STXBP4: variants seen among roughly 807,000 people sequenced by gnomAD.
The protein encoded by STXBP4 is syntaxin binding protein 4.
A neutral mutation model predicts 76.1 loss-of-function variants in STXBP4; 55 were observed. The ratio of observed to expected loss-of-function variants is 0.72; its 90% CI spans 0.58 to 0.91. The LOEUF is 0.91. Ranked by LOEUF, STXBP4 falls within the 40% of genes least tolerant of loss-of-function variation. The probability of loss-of-function intolerance (pLI) is 0.00; values close to 1 mark genes in which losing one functional copy is unlikely to be tolerated. For missense variants in STXBP4, 618 were observed against 636.9 expected (o/e 0.97, Z 0.32); for synonymous variants, 201 against 220.2 (o/e 0.91, Z 0.77).
chr17:55,072,415 G>A (rs534219589), intron 12 of STXBP4, among the ~76,000 whole-genome samples: 22 of 152,282 alleles, frequency 1.4e-4, no homozygotes, highest in African/African-American at 5.1e-4. Flanking sequence ...AAAGGGAGAA[G>A]TAGTAGATAG....
At chr17:55,047,065 T>A (rs1050941040) in intron 11 of STXBP4, 24 bp from the exon 12 acceptor site, 51 of 1,461,770 alleles carry the variant, frequency 3.5e-5, no homozygotes, top group Non-Finnish European at 4.5e-5. Flanking sequence ...AACAAGTTGT[T>A]AATTTGGTGG....
chr17:55,054,350 A>G (rs1033534227), intron 12 of STXBP4, among the ~76,000 whole-genome samples: 1 of 152,104 alleles, frequency 6.6e-6, no homozygotes, highest in Non-Finnish European at 1.5e-5. Context: ...TTCGCTGGGC[A>G]TGGTAGCACA....
chr17:55,064,763 C>G (rs1567745098), intron 12 of STXBP4, among the ~76,000 whole-genome samples: 1 of 152,140 alleles, frequency 6.6e-6, no homozygotes, highest in Non-Finnish European at 1.5e-5. Flanking sequence ...CTCCGCCTCC[C>G]AAAGTGCCGG....
rs1422778877 is a variant in STXBP4, at chr17:55,162,592, G to T, written c.*2681G>T. ...ATTTAAAAAAAAAAAAACAACAAAAGAGTTTGTGTGTGGCCAGGACTAAAC... is the reference window on the plus strand; with the variant it reads ...ATTTAAAAAAAAAAAAACAACAAAATAGTTTGTGTGTGGCCAGGACTAAAC... On this transcript the variant is annotated 3_prime_UTR_variant, in exon 18 of 18. Coordinates refer to ENST00000376352, the MANE Select transcript of STXBP4 (RefSeq NM_178509.6). 1 of 150,672 alleles carries T rather than the reference G, an allele frequency of 6.6e-6. No homozygotes were observed. Among genetic ancestry groups the T allele is most frequent in the Non-Finnish European group, 1.5e-5 (1 of 67,734 alleles). 9.3% of individuals were successfully genotyped at this position (150,672 alleles called of 1,614,324 possible).
chr17:55,049,949 A>G (rs1462978700), intron 12 of STXBP4, among the ~76,000 whole-genome samples: 1 of 152,100 alleles, frequency 6.6e-6, no homozygotes, highest in Non-Finnish European at 1.5e-5. Context: ...AAAACTATAT[A>G]AATTGTTTCA....
chr17:55,040,753 G>A (rs1201442534), intron 10 of STXBP4, among the ~76,000 whole-genome samples: 1 of 152,148 alleles, frequency 6.6e-6, no homozygotes, highest in African/African-American at 2.4e-5. Flanking sequence ...GAGATCCAAG[G>A]ATCACAAATG....
intron 17 of STXBP4, among the ~76,000 whole-genome samples, chr17:55,158,916 G>C (rs1167710664): frequency 1.3e-5 from 2 of 152,220 alleles, no homozygotes; most frequent in Admixed American, 1.3e-4. Flanking sequence ...ATTAATAAGA[G>C]TTAACTTCTC....
chr17:55,174,986 T>C (rs957402937), downstream of STXBP4, among the ~76,000 whole-genome samples: 3 of 151,990 alleles, frequency 2.0e-5, no homozygotes, highest in African/African-American at 7.3e-5. Flanking sequence ...ATAGCGCCAC[T>C]GCACTTCAGC....
chr17:54,983,983 G>A (rs540265148), intron 1 of STXBP4, among the ~76,000 whole-genome samples: 4 of 152,222 alleles, frequency 2.6e-5, no homozygotes, highest in South Asian at 4.2e-4. Flanking sequence ...CATGGTCATT[G>A]GACTTTTGCT....
At chr17:55,208,577 A>AGAAGGAGGGAAGGAAGGAAGGAAG in the STXBP4 span, among the ~76,000 whole-genome samples, 1 of 90,334 alleles carries the variant, frequency 1.1e-5, no homozygotes, top group Non-Finnish European at 2.1e-5. Context: ...GAGGGAGGGA[A>AGAAGGAGGGAAGGAAGGAAGGAAG]GAAGGAAGGA....
At chr17:55,185,318 CT>C in the STXBP4 span, among the ~76,000 whole-genome samples, 1 of 139,644 alleles carries the variant, frequency 7.2e-6, no homozygotes, top group Non-Finnish European at 1.5e-5. Context: ...TCTCCTTCTC[CT>C]TCTCCTTCTC....
In STXBP4 at chr17:55,167,413, G is replaced by A. The variant is rs1039199625; in HGVS notation, c.*7502G>A. 6.6e-6 allele frequency: 1 copy of A among 152,194 alleles called. No homozygotes were observed. Among genetic ancestry groups the A allele is most frequent in the Non-Finnish European group, 1.5e-5 (1 of 68,020 alleles). The allele number at this position is 152,194 out of a possible 1,614,324, so 9.4% of individuals were successfully genotyped here. The stretch of plus-strand genomic sequence containing the variant: ...TTGAATTAAGAAGGAAATGAGGTGG[G>A]GGTTTAAGTAAGCATGTCTGTACTA... On this transcript the variant is annotated 3_prime_UTR_variant, in exon 18 of 18. Transcript: ENST00000376352.
chr17:54,968,842 G>A lies in STXBP4; in HGVS notation c.-157+27G>A, dbSNP rs899027635. The A allele has an allele frequency of 1.3e-5, 8 of 593,494 alleles. No individual in the cohort carries two copies. The Admixed American group carries it at 2.4e-4, about 18-fold the overall frequency. 36.8% of individuals were successfully genotyped at this position (593,494 alleles called of 1,614,324 possible). Reference sequence around the variant, plus strand: ...TAAGTTTGCGTTTTGCTTTGTGACTGTTACTCCCACTTCGCTTCTCGCCAG... The same window carrying A: ...TAAGTTTGCGTTTTGCTTTGTGACTATTACTCCCACTTCGCTTCTCGCCAG... On this transcript the variant is annotated intron_variant, in intron 1 of 17. Coordinates refer to ENST00000376352, the MANE Select transcript of STXBP4 (RefSeq NM_178509.6).
Position 54,986,133 on chromosome 17 carries a change from C to A in STXBP4, c.-78-9C>A. On this transcript the variant is annotated splice_polypyrimidine_tract_variant and intron_variant, in intron 2 of 17. Transcript: ENST00000376352. ...CCTGACAATTTATTTTCTACTTCTT[C>A]AATCCTAGGAAAAGAAGAATTTCTA... The A allele has an allele frequency of 8.6e-7, 1 of 1,162,194 alleles. No individual in the cohort carries two copies. The highest frequency in any genetic ancestry group is 1.3e-6 in the Non-Finnish European group (1 of 793,230). The allele number at this position is 1,162,194 out of a possible 1,614,324, so 72.0% of individuals were successfully genotyped here.
chr17:55,059,257 C>G (rs900250625), intron 12 of STXBP4, among the ~76,000 whole-genome samples: 7 of 151,970 alleles, frequency 4.6e-5, no homozygotes, highest in Non-Finnish European at 5.9e-5. Flanking sequence ...TCAGATAAGC[C>G]TACTGTGTGT....
At chr17:55,104,585 T>G (rs945513272) in intron 16 of STXBP4, among the ~76,000 whole-genome samples, 2 of 152,110 alleles carry the variant, frequency 1.3e-5, no homozygotes, top group African/African-American at 4.8e-5. Flanking sequence ...GCCTTAAATT[T>G]TTTTGTTGTT....
chr17:55,120,314 G>C (rs1223793793), intron 16 of STXBP4, among the ~76,000 whole-genome samples: 2 of 152,136 alleles, frequency 1.3e-5, no homozygotes, highest in African/African-American at 4.8e-5. Context: ...GTATGGGATG[G>C]CAAGTGAGCC....
chr17:55,100,655 A>C (rs2079552409), intron 16 of STXBP4, among the ~76,000 whole-genome samples: 1 of 152,184 alleles, frequency 6.6e-6, no homozygotes, highest in Non-Finnish European at 1.5e-5. Context: ...GGTAATATAA[A>C]GGGGAAGAGT....
chr17:55,151,617 C>G (rs1356695025), intron 17 of STXBP4, among the ~76,000 whole-genome samples: 1 of 152,132 alleles, frequency 6.6e-6, no homozygotes, highest in Admixed American at 6.5e-5. Context: ...GCTGCATTCT[C>G]ATCATTTCAA....
Sources: gnomAD v4.1 joint callset for allele counts (sites outside exome capture counted in the v4.1 genomes callset) on GRCh38, gnomAD v4.1.1 for gene constraint, MANE v1.5 for transcripts, NCBI Gene and HGNC (gene_info 2026-07-23, HGNC 2026-07-21) for gene names.